The following KIF16B variants were observed in gnomAD, a reference collection of about 807,000 sequenced individuals.
KIF16B encodes kinesin family member 16B.
Under a neutral mutation model 156.3 loss-of-function variants are expected in KIF16B, and 98 were observed. The ratio of observed to expected loss-of-function variants is 0.63; its 90% CI spans 0.53 to 0.74. The LOEUF (loss-of-function observed/expected upper bound fraction) is 0.74, where lower values mean the gene tolerates loss of function less well. KIF16B is among the 30% of genes least tolerant of loss of function. KIF16B has a pLI of 0.00. For synonymous variants in KIF16B, 564 were observed against 583.7 expected, an observed-to-expected ratio of 0.97 and a Z score of 0.49; for missense variants, 1,421 against 1,606.5, an observed-to-expected ratio of 0.88 and a Z score of 1.97.
intron 24 of KIF16B, among the ~76,000 whole-genome samples, chr20:16,318,909 A>G (rs1197233014): frequency 6.6e-6 from 1 of 152,212 alleles, no homozygotes; most frequent in Admixed American, 6.5e-5. Context: ...GAAAGGAAGA[A>G]AAACAAGCAA....
At chr20:16,406,823 T>A (rs2065798458) in intron 15 of KIF16B, among the ~76,000 whole-genome samples, 1 of 152,156 alleles carries the variant, frequency 6.6e-6, no homozygotes, top group Admixed American at 6.6e-5. Flanking sequence ...AAGCAAAGCA[T>A]ATGGTCACAA....
At chr20:16,303,861 G>C (rs112675863) in intron 25 of KIF16B, among the ~76,000 whole-genome samples, 1 of 152,096 alleles carries the variant, frequency 6.6e-6, no homozygotes, top group African/African-American at 2.4e-5. Flanking sequence ...CGGTGGGCAG[G>C]GCATGCCTCT....
chr20:16,274,579 C>T (rs374774705), intron 25 of KIF16B, among the ~76,000 whole-genome samples: 8 of 152,260 alleles, frequency 5.3e-5, no homozygotes, highest in African/African-American at 1.9e-4. Context: ...AACCCTGGCA[C>T]AGTCTTAGGA....
At chr20:16,287,009 T>A (rs1027977365) in intron 25 of KIF16B, among the ~76,000 whole-genome samples, 4 of 152,210 alleles carry the variant, frequency 2.6e-5, no homozygotes, top group African/African-American at 4.8e-5. Context: ...CTGGAGTATA[T>A]AAACCATCCA....
intron 24 of KIF16B, among the ~76,000 whole-genome samples, chr20:16,321,580 G>A (rs2063773681): frequency 6.6e-6 from 1 of 152,058 alleles, no homozygotes; most frequent in Admixed American, 6.6e-5. Flanking sequence ...AGCGTTAGAA[G>A]TAACACTTTA....
intron 15 of KIF16B, among the ~76,000 whole-genome samples, chr20:16,413,026 T>A (rs77913114): frequency 6.6e-6 from 1 of 151,966 alleles, no homozygotes; most frequent in Non-Finnish European, 1.5e-5. Context: ...AGTTTCCTCA[T>A]CTAGTTATCA....
chr20:16,555,993 G>C (rs6044113), intron 1 of KIF16B, among the ~76,000 whole-genome samples: 51,814 of 151,996 alleles, frequency 0.34, 8,877 homozygotes, highest in African/African-American at 0.36. Context: ...CTGGAAACAA[G>C]GTTCCCTTGG....
intron 17 of KIF16B, among the ~76,000 whole-genome samples, chr20:16,402,978 A>G (rs905788243): frequency 4.6e-5 from 7 of 152,212 alleles, no homozygotes; most frequent in African/African-American, 1.7e-4. Flanking sequence ...TCTCACGTAT[A>G]TATGTAAGGC....
intron 1 of KIF16B, among the ~76,000 whole-genome samples, chr20:16,558,415 C>T (rs1568685746): frequency 6.6e-6 from 1 of 152,178 alleles, no homozygotes; most frequent in Non-Finnish European, 1.5e-5. Context: ...CCAAAGCAGC[C>T]AAGAAGAAGG....
chr20:16,525,278 T>C (rs2069498673), intron 3 of KIF16B, among the ~76,000 whole-genome samples: 1 of 152,132 alleles, frequency 6.6e-6, no homozygotes, highest in African/African-American at 2.4e-5. Context: ...GGAATTCTTA[T>C]CCCCGTTTTA....
chr20:16,397,319 T>C (rs867028311), intron 17 of KIF16B, among the ~76,000 whole-genome samples: 2 of 152,244 alleles, frequency 1.3e-5, no homozygotes, highest in African/African-American at 2.4e-5. Flanking sequence ...AAAAATTCTC[T>C]GGCACCAAGT....
intron 12 of KIF16B, among the ~76,000 whole-genome samples, chr20:16,465,168 G>A (rs1462857631): frequency 6.6e-6 from 1 of 152,180 alleles, no homozygotes; most frequent in Non-Finnish European, 1.5e-5. Context: ...CTAGAAGAAA[G>A]AGAGGCTTAA....
chr20:16,273,457 A>G (rs1459086768), intron 25 of KIF16B, 46 bp from the exon 26 acceptor site: 2 of 1,573,254 alleles, frequency 1.3e-6, no homozygotes, highest in East Asian at 4.5e-5. Flanking sequence ...TGGGAGGTCA[A>G]GGCGGGTGGG....
chr20:16,367,345 A>G (rs150088496), intron 22 of KIF16B: 10 of 1,612,910 alleles, frequency 6.2e-6, no homozygotes, highest in Non-Finnish European at 7.6e-6. Context: ...CTGTAAGAAG[A>G]CTAGTTCTAC....
At chr20:16,495,771 C>A (rs932969405) in intron 11 of KIF16B, among the ~76,000 whole-genome samples, 2 of 152,092 alleles carry the variant, frequency 1.3e-5, no homozygotes, top group Admixed American at 1.3e-4. Context: ...CTCACCATAG[C>A]CTCTACCTCC....
chr20:16,463,519 T>C (rs6111142), intron 12 of KIF16B, among the ~76,000 whole-genome samples: 50,127 of 151,974 alleles, frequency 0.33, 9,224 homozygotes, highest in African/African-American at 0.49. Context: ...GGAAAGGCAA[T>C]AATTAATTCC....
At chr20:16,391,668 A>C (rs963057051) in intron 17 of KIF16B, among the ~76,000 whole-genome samples, 1 of 152,168 alleles carries the variant, frequency 6.6e-6, no homozygotes, top group Non-Finnish European at 1.5e-5. Context: ...TGTGCAGGAC[A>C]ATGGAAGTAC....
At chr20:16,458,785 C>T (rs567940081) in intron 12 of KIF16B, among the ~76,000 whole-genome samples, 8 of 152,050 alleles carry the variant, frequency 5.3e-5, no homozygotes, top group East Asian at 3.9e-4. Flanking sequence ...CACACATACA[C>T]GCACACACAC....
intron 15 of KIF16B, among the ~76,000 whole-genome samples, chr20:16,413,425 A>G (rs138330096): frequency 7.2e-5 from 11 of 152,248 alleles, no homozygotes; most frequent in Admixed American, 7.2e-4. Context: ...AATATCACCA[A>G]TAATTACCCT....
Sources: gnomAD v4.1 joint callset for allele counts (sites outside exome capture counted in the v4.1 genomes callset) on GRCh38, gnomAD v4.1.1 for gene constraint, MANE v1.5 for transcripts, NCBI Gene and HGNC (gene_info 2026-07-23, HGNC 2026-07-21) for gene names.